Variants in PWWP2A observed in about 807,000 individuals in gnomAD.
PWWP2A encodes the protein PWWP domain containing 2A.
In PWWP2A, 18 loss-of-function variants were observed where a neutral mutation model predicts 48.5. The ratio of observed to expected loss-of-function variants is 0.37; its 90% confidence interval spans 0.26 to 0.55. The LOEUF is 0.55. PWWP2A is among the 20% of genes least tolerant of loss of function. The pLI is 0.81. For missense variants in PWWP2A, 867 were observed against 976.4 expected, an observed-to-expected ratio of 0.89 and a Z score of 1.49; for synonymous variants, 396 against 387.7, an observed-to-expected ratio of 1.02 and a Z score of -0.25.
the PWWP2A span, among the ~76,000 whole-genome samples, chr5:160,055,703 C>T: frequency 4.9e-3 from 739 of 152,224 alleles, 5 homozygotes; most frequent in Non-Finnish European, 7.4e-3. Context: ...AGTTGAGAGA[C>T]GGAGTATAGA....
chr5:160,063,378 G>C (rs988196854), intron 5 of PWWP2A, among the ~76,000 whole-genome samples: 1 of 152,128 alleles, frequency 6.6e-6, no homozygotes, highest in African/African-American at 2.4e-5. Context: ...ACCACACCTA[G>C]CTAATTTTTA....
intron 2 of PWWP2A, among the ~76,000 whole-genome samples, chr5:160,068,599 A>G (rs1753671671): frequency 6.6e-6 from 1 of 152,168 alleles, no homozygotes; most frequent in Non-Finnish European, 1.5e-5. Context: ...ACCCTGTCTC[A>G]AAAAAATAAT....
At chr5:160,087,835 G>A (rs1451069820), downstream of PWWP2A, among the ~76,000 whole-genome samples, 2 of 152,080 alleles carry the variant, frequency 1.3e-5, no homozygotes, top group Admixed American at 6.6e-5. Flanking sequence ...ATCTATAAAC[G>A]TTAGGTCTCT....
chr5:160,062,399 C>T (rs760181295), intron 5 of PWWP2A, among the ~76,000 whole-genome samples: 2 of 152,170 alleles, frequency 1.3e-5, no homozygotes, highest in Non-Finnish European at 2.9e-5. Context: ...TCCCATCCCC[C>T]GGAGCACTGT....
At chr5:160,084,713 G>A (rs1754491813) in intron 2 of PWWP2A, among the ~76,000 whole-genome samples, 1 of 152,152 alleles carries the variant, frequency 6.6e-6, no homozygotes, top group African/African-American at 2.4e-5. Context: ...TTATAGGCAT[G>A]AGCCAAGGCA....
At chr5:160,094,168 C>G in intron 1 of PWWP2A, 103 bp from the exon 2 acceptor site, 1 of 1,286,778 alleles carries the variant, frequency 7.8e-7, no homozygotes, top group Non-Finnish European at 1.0e-6. Context: ...TAACCTTTCC[C>G]GAAAACTATT....
At chr5:160,107,116 C>T (rs112581608) in intron 1 of PWWP2A, among the ~76,000 whole-genome samples, 5 of 152,254 alleles carry the variant, frequency 3.3e-5, no homozygotes, top group African/African-American at 9.6e-5. Flanking sequence ...CATGAGCCAC[C>T]GTGACCGGCC....
chr5:160,083,382 T>C (rs1329856292), intron 2 of PWWP2A, among the ~76,000 whole-genome samples: 2 of 152,206 alleles, frequency 1.3e-5, no homozygotes, highest in Non-Finnish European at 2.9e-5. Context: ...TTCAAGGCGT[T>C]GGAATGTGTG....
downstream of PWWP2A, chr5:160,090,589 G>T (rs966514664): frequency 5.0e-5 from 49 of 984,496 alleles, no homozygotes; most frequent in Non-Finnish European, 5.7e-5. Context: ...CATTGAGTGA[G>T]TTCCCCATAA....
chr5:160,056,493 G>A, the PWWP2A span, among the ~76,000 whole-genome samples: 2 of 152,266 alleles, frequency 1.3e-5, no homozygotes, highest in African/African-American at 4.8e-5. Flanking sequence ...ACTTGAGCCT[G>A]GGAGGTCAAG....
rs1755167899 is a variant in PWWP2A, at chr5:160,092,357, G to A, written c.*25C>T. ...AGAAAATCTGTGGTGACTTCCAATG[G>A]TCTTGCCTACCTTACTGCCCATGTT... On this transcript the variant is annotated 3_prime_UTR_variant, in exon 2 of 2. Coordinates refer to ENST00000307063, the MANE Select transcript of PWWP2A (RefSeq NM_001130864.2). The A allele has an allele frequency of 6.6e-7, 1 of 1,508,530 alleles. No individual in the cohort carries two copies. Among genetic ancestry groups the A allele is most frequent in the East Asian group, 2.5e-5 (1 of 40,520 alleles). The allele number at this position is 1,508,530 out of a possible 1,614,324, so 93.4% of individuals were successfully genotyped here. A position where few individuals can be genotyped will look rare whatever the true frequency, so the allele number is the denominator to read the frequency against.
chr5:160,106,702 T>C (rs1756931110), intron 1 of PWWP2A, among the ~76,000 whole-genome samples: 2 of 152,090 alleles, frequency 1.3e-5, no homozygotes, highest in Admixed American at 1.3e-4. Flanking sequence ...AGGAAATCAT[T>C]TGCAAGACTA....
chr5:160,047,640 A>G, the PWWP2A span, among the ~76,000 whole-genome samples: 1 of 152,162 alleles, frequency 6.6e-6, no homozygotes, highest in African/African-American at 2.4e-5. Context: ...TTCTCATCAC[A>G]CTGAGGAAAA....
intron 3 of PWWP2A, chr5:160,080,648 G>C (rs1327718126): frequency 1.9e-6 from 3 of 1,544,260 alleles, no homozygotes; most frequent in Admixed American, 2.0e-5. Flanking sequence ...AAAACAGACA[G>C]ACCTGCCCGT....
chr5:160,064,698 T>A (rs1753546723), intron 4 of PWWP2A, among the ~76,000 whole-genome samples: 1 of 152,186 alleles, frequency 6.6e-6, no homozygotes, highest in Admixed American at 6.5e-5. Context: ...GACTCCACTC[T>A]CATCTATGCA....
At chr5:160,052,701 A>G in the PWWP2A span, among the ~76,000 whole-genome samples, 1 of 152,176 alleles carries the variant, frequency 6.6e-6, no homozygotes, top group Non-Finnish European at 1.5e-5. Flanking sequence ...GGACTGGTGC[A>G]AACTGAATCT....
intron 1 of PWWP2A, among the ~76,000 whole-genome samples, chr5:160,109,321 T>C (rs1309746690): frequency 6.6e-6 from 1 of 151,490 alleles, no homozygotes; most frequent in Admixed American, 6.6e-5. Context: ...TACTTCATGA[T>C]TCCTTATTTC....
intron 1 of PWWP2A, chr5:160,105,611 T>C (rs1756813526): frequency 1.3e-6 from 1 of 792,944 alleles, no homozygotes; most frequent in Non-Finnish European, 1.5e-6. Context: ...AGAAGGGGAC[T>C]ATAGGGACAA....
rs1051763323 is a variant in PWWP2A at position 160,119,218 on chromosome 5, C to T, written c.171G>A (p.Gln57=). ...GCTCGTCGGCCTGAGGAGCGGATTG[C>T]TGCCCGTCAGTCTCGCCATCCGGCA... ...ASVPDGETDG[Q]QSAPQADEPP... The change falls in exon 1 of 2, where the codon CAG becomes CAA. Residue 57 remains glutamine, a synonymous_variant. Transcript: ENST00000307063. The T allele has an allele frequency of 6.9e-7, 1 of 1,442,560 alleles. No homozygotes were observed. The highest frequency in any genetic ancestry group is 9.0e-7 in the Non-Finnish European group (1 of 1,111,184). The allele number at this position is 1,442,560 out of a possible 1,614,324, so 89.4% of individuals were successfully genotyped here. A position where few individuals can be genotyped will look rare whatever the true frequency, so the allele number is the denominator to read the frequency against.
Sources: gnomAD v4.1 joint callset for allele counts (sites outside exome capture counted in the v4.1 genomes callset) on GRCh38, gnomAD v4.1.1 for gene constraint, MANE v1.5 for transcripts, NCBI Gene and HGNC (gene_info 2026-07-23, HGNC 2026-07-21) for gene names.